TUSC3: variants seen among roughly 807,000 people sequenced by gnomAD.
The protein encoded by TUSC3 is dolichyl-diphosphooligosaccharide--protein glycosyltransferase subunit TUSC3.
TUSC3 carries 45 observed loss-of-function variants against 44.8 expected under a neutral mutation model. That is an observed-to-expected ratio of 1.00 (90% CI 0.79 to 1.29). The LOEUF (loss-of-function observed/expected upper bound fraction) is 1.29. TUSC3 is among the 50% of genes most tolerant of loss of function. The probability of loss-of-function intolerance (pLI) is 0.00; values close to 1 mark genes in which losing one functional copy is unlikely to be tolerated. For synonymous variants in TUSC3, 212 were observed against 152.9 expected (o/e 1.39, Z -2.85); for missense variants, 519 against 437.9 (o/e 1.19, Z -1.65).
the TUSC3 span, among the ~76,000 whole-genome samples, chr8:15,814,903 C>A: frequency 6.6e-6 from 1 of 152,076 alleles, no homozygotes; most frequent in Non-Finnish European, 1.5e-5. Context: ...AAGTTCCTTG[C>A]ATGCTAAATG....
chr8:15,795,140 A>G, the TUSC3 span, among the ~76,000 whole-genome samples: 22 of 152,174 alleles, frequency 1.4e-4, no homozygotes, highest in African/African-American at 4.8e-4. Flanking sequence ...GACCTCAATC[A>G]TGGCTCCTGG....
intron 1 of TUSC3, among the ~76,000 whole-genome samples, chr8:15,427,707 G>A (rs2129116323): frequency 1.3e-5 from 2 of 152,142 alleles, no homozygotes; most frequent in Non-Finnish European, 2.9e-5. Flanking sequence ...TTGTTCTGAG[G>A]AGGCAAGAAT....
At chr8:15,828,872 T>C in the TUSC3 span, among the ~76,000 whole-genome samples, 1 of 152,148 alleles carries the variant, frequency 6.6e-6, no homozygotes, top group Non-Finnish European at 1.5e-5. Context: ...GTTTCGTCAC[T>C]GGAGGAGGAA....
chr8:15,748,690 A>T (rs953320153), intron 9 of TUSC3: 2 of 675,908 alleles, frequency 3.0e-6, no homozygotes, highest in Admixed American at 3.5e-5. Context: ...CTTTCTAGAC[A>T]TACATATTTT....
At chr8:15,661,141 G>A (rs1359618440) in intron 4 of TUSC3, among the ~76,000 whole-genome samples, 1 of 151,776 alleles carries the variant, frequency 6.6e-6, no homozygotes, top group African/African-American at 2.4e-5. Flanking sequence ...AAAAATTAGG[G>A]TGAATTGCAT....
rs545657421 is a variant in TUSC3 at position 15,741,878 on chromosome 8, A to G, written c.863-1660A>G. ...TTAAGGATCCATATCAGTCACATCTATCTGCTCTAGAAAACTGAGTTTTAA... is the reference window on the plus strand; with the variant it reads ...TTAAGGATCCATATCAGTCACATCTGTCTGCTCTAGAAAACTGAGTTTTAA... On this transcript the variant is annotated intron_variant, in intron 7 of 10. Transcript: ENST00000503731. Among the ~76,000 whole-genome samples the G allele has an allele frequency of 2.2e-3, 342 of 152,300 alleles. 2 individuals carry two copies. The highest frequency in any genetic ancestry group is 7.6e-3 in the African/African-American group (314 of 41,574).
intron 2 of TUSC3, among the ~76,000 whole-genome samples, chr8:15,647,405 T>C (rs1806682666): frequency 6.6e-6 from 1 of 152,154 alleles, no homozygotes; most frequent in Non-Finnish European, 1.5e-5. Context: ...TTTGTTTTTA[T>C]TTTTCCTGTT....
At chr8:15,699,799 G>A (rs1423205000) in intron 6 of TUSC3, among the ~76,000 whole-genome samples, 1 of 152,068 alleles carries the variant, frequency 6.6e-6, no homozygotes, top group Non-Finnish European at 1.5e-5. Flanking sequence ...GTTTTATAAA[G>A]CACTTAGAGG....
At chr8:15,829,684 G>C in the TUSC3 span, among the ~76,000 whole-genome samples, 3 of 151,808 alleles carry the variant, frequency 2.0e-5, no homozygotes, top group Non-Finnish European at 4.4e-5. Flanking sequence ...CTTTAATTCT[G>C]AGATTATGAA....
chr8:15,587,372 TTCTG>T (rs1445171720), intron 1 of TUSC3, among the ~76,000 whole-genome samples: 4 of 152,204 alleles, frequency 2.6e-5, no homozygotes, highest in African/African-American at 4.8e-5. Flanking sequence ...TTGTTACTGC[TTCTG>T]TCTTTTACAT....
intron 1 of TUSC3, among the ~76,000 whole-genome samples, chr8:15,460,530 T>A (rs73534239): frequency 0.025 from 3,858 of 152,282 alleles, 175 homozygotes; most frequent in African/African-American, 0.087. Flanking sequence ...CAAAACTCTT[T>A]AATTATGTCC....
chr8:15,706,754 A>C (rs555163269), intron 6 of TUSC3, among the ~76,000 whole-genome samples: 2 of 152,164 alleles, frequency 1.3e-5, no homozygotes, highest in African/African-American at 4.8e-5. Context: ...TGATTGTGCA[A>C]ATATGATCAC....
At chr8:15,684,309 A>G (rs545095744) in intron 6 of TUSC3, among the ~76,000 whole-genome samples, 75 of 152,250 alleles carry the variant, frequency 4.9e-4, no homozygotes, top group African/African-American at 1.7e-3. Flanking sequence ...TGTATTTGCC[A>G]GAGTCAGAGT....
chr8:15,658,657 C>CACACACACACAT (rs1186873286), intron 3 of TUSC3, among the ~76,000 whole-genome samples: 4,883 of 150,694 alleles, frequency 0.032, 273 homozygotes, highest in African/African-American at 0.11. Flanking sequence ...CACACACACA[C>CACACACACACAT]ACAAATACAA....
At chr8:15,803,717 T>C in the TUSC3 span, among the ~76,000 whole-genome samples, 1 of 152,098 alleles carries the variant, frequency 6.6e-6, no homozygotes, top group Admixed American at 6.6e-5. Context: ...CTCTTTTGCC[T>C]CACCCCCTGG....
At position 15,765,853 on chromosome 8, in the gene TUSC3, A is replaced by C. The variant is rs894243902; in HGVS notation, c.*1697A>C. 2 of 152,074 alleles carry C rather than the reference A, an allele frequency of 1.3e-5. No homozygotes were observed. Among genetic ancestry groups the C allele is most frequent in the Admixed American group, 6.6e-5 (1 of 15,240 alleles). 9.4% of individuals were successfully genotyped at this position (152,074 alleles called of 1,614,324 possible). On this transcript the variant is annotated 3_prime_UTR_variant, in exon 11 of 11. Coordinates refer to ENST00000503731, the MANE Select transcript of TUSC3 (RefSeq NM_006765.4). ...TTTTTTACATTTTACTCAAAACTTC[A>C]TACATAGAGACTCTCAGGTCAAATT...
chr8:15,521,476 C>T (rs1016388970), intron 2 of TUSC3, among the ~76,000 whole-genome samples: 13 of 152,156 alleles, frequency 8.5e-5, no homozygotes, highest in Admixed American at 7.2e-4. Context: ...CAGTTTCATT[C>T]AGTTGGTCTC....
intron 6 of TUSC3, among the ~76,000 whole-genome samples, chr8:15,712,494 C>A (rs902312709): frequency 6.6e-6 from 1 of 152,094 alleles, no homozygotes; most frequent in South Asian, 2.1e-4. Context: ...TTATTTCGAT[C>A]TTTATTCCTT....
intron 2 of TUSC3, among the ~76,000 whole-genome samples, chr8:15,630,838 A>G (rs1038272035): frequency 2.6e-5 from 4 of 152,176 alleles, no homozygotes; most frequent in African/African-American, 9.7e-5. Flanking sequence ...ATCACGTGGA[A>G]AAGAGCCTAT....
Sources: allele counts gnomAD v4.1 joint callset (sites outside exome capture counted in the v4.1 genomes callset), GRCh38; gene constraint gnomAD v4.1.1; transcripts MANE v1.5; gene names NCBI Gene and HGNC (gene_info 2026-07-23, HGNC 2026-07-21).